The following TM4SF19 variants were observed in gnomAD, a reference collection of about 807,000 sequenced individuals.
The protein encoded by TM4SF19 is transmembrane 4 L six family member 19.
A neutral mutation model predicts 21.8 loss-of-function variants in TM4SF19; 17 were observed. That is an observed-to-expected ratio of 0.78 (90% CI 0.53 to 1.17). The LOEUF (loss-of-function observed/expected upper bound fraction) is 1.17, where lower values mean the gene tolerates loss of function less well. Ranked by LOEUF, TM4SF19 falls within the 50% of genes most tolerant of loss-of-function variation. The pLI is 0.00. For missense variants in TM4SF19, 216 were observed against 252.1 expected (o/e 0.86, Z 0.97); for synonymous variants, 107 against 106.7 (o/e 1.00, Z -0.02).
At chr3:196,326,044 G>A (rs970395073) in intron 3 of TM4SF19, among the ~76,000 whole-genome samples, 3 of 152,122 alleles carry the variant, frequency 2.0e-5, no homozygotes, top group African/African-American at 4.8e-5. Flanking sequence ...GCGCCATCTC[G>A]GCTCACTGCA....
Position 196,324,015 on chromosome 3 carries a change from G to C in TM4SF19, c.450-18C>G, listed in dbSNP as rs1212237467. 2.5e-6 allele frequency: 4 copies of C among 1,612,942 alleles called. No individual in the cohort carries two copies. The highest frequency in any genetic ancestry group is 3.4e-6 in the Non-Finnish European group (4 of 1,179,482). ...GATAATTCCTATCCCAAAAAATAAG[G>C]AGACCAGGGGTCAGGCGATAAGTAA... On this transcript the variant is annotated intron_variant, in intron 4 of 4. Coordinates refer to ENST00000273695, the MANE Select transcript of TM4SF19 (RefSeq NM_138461.4).
At chr3:196,330,911 C>T (rs985479037) in intron 1 of TM4SF19, among the ~76,000 whole-genome samples, 2 of 152,046 alleles carry the variant, frequency 1.3e-5, no homozygotes, top group East Asian at 3.8e-4. Flanking sequence ...TTATAAAATG[C>T]CTCTTCCACT....
Position 196,327,602 on chromosome 3 carries a change from T to C in TM4SF19, c.-1-11A>G, listed in dbSNP as rs759486897. 5.6e-6 allele frequency: 9 copies of C among 1,611,460 alleles called. No homozygotes were observed. In the African/African-American group the frequency reaches 6.7e-5, roughly 12 times the overall value. Reference sequence around the variant, plus strand: ...GGAGAGGACACCATCCTGGAACAGATAGAAAGGGAGTCGCAGCAGCTCTGC... The same window carrying C: ...GGAGAGGACACCATCCTGGAACAGACAGAAAGGGAGTCGCAGCAGCTCTGC... On this transcript the variant is annotated splice_polypyrimidine_tract_variant and intron_variant, in intron 1 of 4. Coordinates refer to ENST00000273695, the MANE Select transcript of TM4SF19 (RefSeq NM_138461.4).
At chr3:196,324,760 C>T (rs1470614648) in intron 3 of TM4SF19, 1 of 303,274 alleles carries the variant, frequency 3.3e-6, no homozygotes, top group East Asian at 6.2e-5. Flanking sequence ...CTTGGCATCA[C>T]AAACCTTTTG....
chr3:196,337,640 A>C (rs1164731279), intron 1 of TM4SF19, among the ~76,000 whole-genome samples: 1 of 152,142 alleles, frequency 6.6e-6, no homozygotes, highest in Non-Finnish European at 1.5e-5. Flanking sequence ...ACTTCAGTAA[A>C]CACACTGCGC....
chr3:196,326,917 A>T, intron 3 of TM4SF19, 38 bp downstream of exon 3: 1 of 1,562,696 alleles, frequency 6.4e-7, no homozygotes, highest in Non-Finnish European at 8.8e-7. Flanking sequence ...AGAGGTGGAG[A>T]CATTCTGGGT....
Position 196,323,847 on chromosome 3 carries a change from C to T in TM4SF19, c.600G>A (p.Leu200=). The change falls in exon 5 of 5, where the codon CTG becomes CTA. Residue 200 remains leucine, a synonymous_variant. Transcript: ENST00000273695. ...LVVVHVINSL[L]GLFCSLCEK ...TCTCGCAGAGGCTGCAGAAAAGGCC[C>T]AGGAGGCTGTTGATGACATGAACGA... 1 of 1,614,118 alleles carries T rather than the reference C, an allele frequency of 6.2e-7. No individual in the cohort carries two copies. The highest frequency in any genetic ancestry group is 8.5e-7 in the Non-Finnish European group (1 of 1,180,034).
intron 1 of TM4SF19, among the ~76,000 whole-genome samples, chr3:196,330,406 CTGA>C (rs1385784926): frequency 2.6e-5 from 4 of 152,102 alleles, no homozygotes; most frequent in African/African-American, 9.7e-5. Flanking sequence ...AATGACAAAT[CTGA>C]TGTTACTTTA....
chr3:196,334,767 T>C (rs923215268), intron 1 of TM4SF19, among the ~76,000 whole-genome samples: 8 of 147,398 alleles, frequency 5.4e-5, no homozygotes, highest in Non-Finnish European at 1.2e-4. Flanking sequence ...CTGTAGCTTA[T>C]GGTAAAGAAG....
At chr3:196,337,690 C>A (rs1260557326) in intron 1 of TM4SF19, among the ~76,000 whole-genome samples, 1 of 152,192 alleles carries the variant, frequency 6.6e-6, no homozygotes, top group African/African-American at 2.4e-5. Flanking sequence ...AGGCAGGCGC[C>A]AAGTCAAGGG....
In TM4SF19 at chr3:196,324,504, G is replaced by T. The variant is rs373313946; in HGVS notation, c.280-64C>A. 4.7e-5 allele frequency: 73 copies of T among 1,566,692 alleles called. 1 individual carries two copies. The East Asian group carries it at 6.8e-4, about 14-fold the overall frequency. On this transcript the variant is annotated intron_variant, in intron 3 of 4. Transcript: ENST00000273695. ...GCAGCTGGGGAGCCTGCGGAGGGAG[G>T]AGAAACGCTGAGCTAAGACGGGGTC...
At position 196,329,167 on chromosome 3, in the gene TM4SF19, C is replaced by G. The variant is rs750752466; in HGVS notation, c.-1-1576G>C. 2.0e-4 allele frequency among the ~76,000 whole-genome samples: 25 copies of G among 126,296 alleles called. 7 individuals are homozygous for G. Among genetic ancestry groups the G allele is most frequent in the Admixed American group, 2.7e-4 (3 of 10,958 alleles). 82.9% of individuals were successfully genotyped at this position (126,296 alleles called of 152,430 possible). ...CCGTGTTAGCCAGGACGGTCTTGAT[C>G]TCCTGACCTCGTGATCCGCCTGTCT... is the stretch of plus-strand genomic sequence containing the variant. On this transcript the variant is annotated intron_variant, in intron 1 of 4. Coordinates refer to ENST00000273695, the MANE Select transcript of TM4SF19 (RefSeq NM_138461.4).
chr3:196,324,552 G>A (rs1214368765), intron 3 of TM4SF19, 112 bp from the exon 4 acceptor site: 27 of 999,332 alleles, frequency 2.7e-5, no homozygotes, highest in Admixed American at 1.2e-4. Context: ...TCTGTGGGGC[G>A]GTCTGCACAG....
At chr3:196,333,084 G>A (rs528161021) in intron 1 of TM4SF19, among the ~76,000 whole-genome samples, 3 of 152,290 alleles carry the variant, frequency 2.0e-5, no homozygotes, top group Admixed American at 2.0e-4. Flanking sequence ...CTGGCCTCAA[G>A]TGATCCTCTC....
chr3:196,324,153 A>G, intron 4 of TM4SF19, 118 bp downstream of exon 4: 5 of 1,450,532 alleles, frequency 3.4e-6, no homozygotes, highest in Non-Finnish European at 9.6e-7. Context: ...TCTGAGTATC[A>G]GAGGAGCAAG....
intron 1 of TM4SF19, among the ~76,000 whole-genome samples, chr3:196,332,508 T>A (rs78432570): frequency 0.13 from 19,445 of 144,160 alleles, 1,261 homozygotes; most frequent in South Asian, 0.16. Flanking sequence ...AGAAAAAAAA[T>A]ATATATATAT....
At chr3:196,335,517 G>C (rs568521397) in intron 1 of TM4SF19, among the ~76,000 whole-genome samples, 1 of 148,090 alleles carries the variant, frequency 6.8e-6, no homozygotes, top group Non-Finnish European at 1.5e-5. Context: ...GGGTAGGAGA[G>C]AGGTGGGGTG....
At chr3:196,327,287 T>C (rs1727329397) in intron 2 of TM4SF19, 103 bp downstream of exon 2, 3 of 1,172,164 alleles carry the variant, frequency 2.6e-6, no homozygotes, top group Non-Finnish European at 3.6e-6. Flanking sequence ...CTTGTTAGAA[T>C]AAACTTTTCT....
chr3:196,333,334 T>C (rs78283324), intron 1 of TM4SF19, among the ~76,000 whole-genome samples: 1 of 152,338 alleles, frequency 6.6e-6, no homozygotes, highest in East Asian at 1.9e-4. Flanking sequence ...CTTTTTCCTA[T>C]ACATACATAT....
Sources: allele counts gnomAD v4.1 joint callset (sites outside exome capture counted in the v4.1 genomes callset), GRCh38; gene constraint gnomAD v4.1.1; transcripts MANE v1.5; gene names NCBI Gene and HGNC (gene_info 2026-07-23, HGNC 2026-07-21).